Variants in CACNA2D3 observed in about 807,000 individuals in gnomAD.
CACNA2D3 encodes the protein voltage-dependent calcium channel subunit alpha-2/delta-3.
CACNA2D3 carries 60 observed loss-of-function variants against 160.6 expected under a neutral mutation model. The observed-to-expected ratio is 0.37, with a 90% CI of 0.30 to 0.46. The LOEUF is 0.46. Among genes scored for constraint, CACNA2D3 ranks in the 20% least tolerant of loss-of-function variants. CACNA2D3 has a pLI of 1.00. For missense variants in CACNA2D3, 1,205 were observed against 1,365.0 expected (o/e 0.88, Z 1.85); for synonymous variants, 558 against 492.9 (o/e 1.13, Z -1.75).
At chr3:54,809,346 C>T (rs1454982879) in intron 13 of CACNA2D3, among the ~76,000 whole-genome samples, 1 of 75,130 alleles carries the variant, frequency 1.3e-5, no homozygotes, top group African/African-American at 7.1e-5. Flanking sequence ...GAGTCTCGCT[C>T]TGTCGCCCAG....
At chr3:54,215,574 G>T (rs1701445847) in intron 2 of CACNA2D3, among the ~76,000 whole-genome samples, 1 of 152,104 alleles carries the variant, frequency 6.6e-6, no homozygotes, top group Admixed American at 6.6e-5. Context: ...CTCTGGGTTT[G>T]CCATGCATTG....
At chr3:54,759,860 C>A (rs962866795) in intron 12 of CACNA2D3, among the ~76,000 whole-genome samples, 1 of 152,210 alleles carries the variant, frequency 6.6e-6, no homozygotes, top group Non-Finnish European at 1.5e-5. Flanking sequence ...AGAGCAAAGG[C>A]TTTGGAATCA....
intron 17 of CACNA2D3, 33 bp downstream of exon 17, chr3:54,846,500 T>C: frequency 5.1e-6 from 7 of 1,376,360 alleles, no homozygotes; most frequent in Non-Finnish European, 7.1e-6. Context: ...GCATTTCTGC[T>C]TTTATGATTT....
intron 2 of CACNA2D3, among the ~76,000 whole-genome samples, chr3:54,275,302 C>A (rs72986058): frequency 0.024 from 3,692 of 152,244 alleles, 159 homozygotes; most frequent in African/African-American, 0.084. Flanking sequence ...GTGTGCACCC[C>A]TCCCCTAGGC....
chr3:55,035,693 G>A (rs3773550), intron 35 of CACNA2D3, among the ~76,000 whole-genome samples: 27,135 of 152,106 alleles, frequency 0.18, 2,553 homozygotes, highest in Admixed American at 0.27. Context: ...ATCAAGCTCC[G>A]AAAATTGAAT....
chr3:55,005,523 AATTCCCATTTTGATCACAGGT>A (rs1436093422), intron 32 of CACNA2D3, among the ~76,000 whole-genome samples: 1 of 152,010 alleles, frequency 6.6e-6, no homozygotes, highest in East Asian at 1.9e-4. Flanking sequence ...CTTTTGCCCT[AATTCCCATTTTGATCACAGGT>A]ATTCCCTCTC....
At chr3:54,461,133 A>T (rs1700496211) in intron 4 of CACNA2D3, among the ~76,000 whole-genome samples, 1 of 152,092 alleles carries the variant, frequency 6.6e-6, no homozygotes. Context: ...AGCCCACTTG[A>T]TCATGGTGGA....
intron 2 of CACNA2D3, among the ~76,000 whole-genome samples, chr3:54,304,164 G>A (rs1338487768): frequency 6.6e-6 from 1 of 152,050 alleles, no homozygotes. Context: ...TTCTTCCCCC[G>A]AGTTGTGAAA....
chr3:54,867,003 T>C (rs1699416151), intron 17 of CACNA2D3, among the ~76,000 whole-genome samples: 1 of 152,262 alleles, frequency 6.6e-6, no homozygotes, highest in Non-Finnish European at 1.5e-5. Context: ...ACTACAAACC[T>C]ACCTGTGGCT....
At chr3:55,043,837 G>T (rs2107194631) in intron 35 of CACNA2D3, among the ~76,000 whole-genome samples, 1 of 152,200 alleles carries the variant, frequency 6.6e-6, no homozygotes. Context: ...TAGCATTATG[G>T]ATATCCAATT....
intron 35 of CACNA2D3, among the ~76,000 whole-genome samples, chr3:55,052,940 A>G (rs918649480): frequency 1.1e-4 from 16 of 152,256 alleles, no homozygotes; most frequent in African/African-American, 3.4e-4. Context: ...CAGTATATCA[A>G]TCTACCTTTT....
rs115811009 is a variant in CACNA2D3 at position 54,998,165 on chromosome 3, A to G, written c.2691-6598A>G. Among the ~76,000 whole-genome samples the G allele has an allele frequency of 6.1e-3, 698 of 114,582 alleles. 5 individuals are homozygous for G. Among genetic ancestry groups the G allele is most frequent in the African/African-American group, 0.023 (661 of 29,376 alleles). The allele number at this position is 114,582 out of a possible 152,430, so 75.2% of individuals were successfully genotyped here. On this transcript the variant is annotated intron_variant, in intron 31 of 37. Transcript: ENST00000474759. ...TTTTTTTGAGATGGAGTCTTGCTCT[A>G]TTGCCCATGCCCAGGCTGGAGTGCG...
chr3:54,426,712 G>A (rs2106763304), intron 4 of CACNA2D3, among the ~76,000 whole-genome samples: 1 of 152,218 alleles, frequency 6.6e-6, no homozygotes, highest in East Asian at 1.9e-4. Context: ...TGTCCCTTGA[G>A]GAACAACTGA....
intron 8 of CACNA2D3, among the ~76,000 whole-genome samples, chr3:54,578,961 C>A (rs1396676438): frequency 6.6e-6 from 1 of 152,140 alleles, no homozygotes; most frequent in Non-Finnish European, 1.5e-5. Context: ...GCATAAGATT[C>A]TGGGATCAGA....
At chr3:54,631,995 C>G (rs1699247693) in intron 10 of CACNA2D3, 1 of 152,334 alleles carries the variant, frequency 6.6e-6, no homozygotes, top group South Asian at 2.1e-4. Flanking sequence ...TCACTGCTAA[C>G]TGATGAATCA....
chr3:54,749,945 T>TG (rs1177981541), intron 11 of CACNA2D3, among the ~76,000 whole-genome samples: 1 of 152,124 alleles, frequency 6.6e-6, no homozygotes, highest in Non-Finnish European at 1.5e-5. Context: ...GCCACAGTGG[T>TG]GGTGGTGGTC....
At chr3:54,787,726 G>A (rs1702668494) in intron 13 of CACNA2D3, among the ~76,000 whole-genome samples, 1 of 152,168 alleles carries the variant, frequency 6.6e-6, no homozygotes. Context: ...AAGACAAATG[G>A]ATGATAAGGA....
At chr3:54,643,255 CTCTA>C (rs1297493563) in intron 11 of CACNA2D3, among the ~76,000 whole-genome samples, 1 of 152,088 alleles carries the variant, frequency 6.6e-6, no homozygotes, top group African/African-American at 2.4e-5. Context: ...GTGTCCTCAA[CTCTA>C]TCTAGGGAGC....
chr3:54,140,163 T>C (rs1699896957), intron 2 of CACNA2D3, among the ~76,000 whole-genome samples: 2 of 152,222 alleles, frequency 1.3e-5, no homozygotes, highest in South Asian at 4.1e-4. Context: ...ATTTTAATTC[T>C]TGGCATCAAA....
Sources: gnomAD v4.1 joint callset for allele counts (sites outside exome capture counted in the v4.1 genomes callset) on GRCh38, gnomAD v4.1.1 for gene constraint, MANE v1.5 for transcripts, NCBI Gene and HGNC (gene_info 2026-07-23, HGNC 2026-07-21) for gene names.